The following SERPINA11 variants were observed in gnomAD, a reference collection of about 807,000 sequenced individuals.
SERPINA11 encodes serpin A11.
Under a neutral mutation model 29.4 loss-of-function variants are expected in SERPINA11, and 28 were observed. The ratio of observed to expected loss-of-function variants is 0.95; its 90% CI spans 0.70 to 1.30. SERPINA11 has a LOEUF of 1.30. Ranked by LOEUF, SERPINA11 falls within the 50% of genes most tolerant of loss-of-function variation. The pLI is 0.00. For missense variants in SERPINA11, 530 were observed against 507.3 expected (o/e 1.04, Z -0.43); for synonymous variants, 253 against 206.6 (o/e 1.22, Z -1.92).
rs1566784791 is a variant in SERPINA11, at chr14:94,449,485, CTGTCTG to C, written c.-3-714_-3-709del. Among the ~76,000 whole-genome samples the C allele has an allele frequency of 1.1e-3, 83 of 77,272 alleles. 6 individuals carry two copies. The highest frequency in any genetic ancestry group is 7.3e-3 in the African/African-American group (67 of 9,172). The allele number at this position is 77,272 out of a possible 152,430, so 50.7% of individuals were successfully genotyped here. A position where few individuals can be genotyped will look rare whatever the true frequency, so the allele number is the denominator to read the frequency against. On this transcript the variant is annotated intron_variant, in intron 1 of 4. Coordinates refer to ENST00000334708, the MANE Select transcript of SERPINA11 (RefSeq NM_001080451.2). ...TCTTTCTTTCTTTCTTTCTTTCTGT[CTGTCTG>C]TCTTTCTTTCTCTTTCTTTTTCTTT... is the stretch of plus-strand genomic sequence containing the variant.
intron 3 of SERPINA11, among the ~76,000 whole-genome samples, chr14:94,443,916 CTCTGGGGTTAT>C (rs1898387884): frequency 6.6e-6 from 1 of 152,236 alleles, no homozygotes. Context: ...TGCCCTTTCT[CTCTGGGGTTAT>C]TCTTCTTTAT....
chr14:94,444,797 T>C (rs1898406726), intron 3 of SERPINA11, among the ~76,000 whole-genome samples: 1 of 152,132 alleles, frequency 6.6e-6, no homozygotes, highest in South Asian at 2.1e-4. Context: ...CCTCCCAGGT[T>C]GTGGTGGATT....
chr14:94,448,210 A>G lies in SERPINA11; in HGVS notation c.565T>C (p.Tyr189His). Residue 189 changes from tyrosine (Y) to histidine (H), a missense_variant, in exon 2 of 5, where the codon TAC becomes CAC. Physicochemically the swap from Tyr to His is moderately conservative, Grantham distance 83. Coordinates refer to ENST00000334708, the MANE Select transcript of SERPINA11 (RefSeq NM_001080451.2). ...QINDYLRRQT[Y>H]GQVVDCLPEF... ...GGGAGGCAGTCCACGACTTGCCCGT[A>G]TGTTTGCCTTCTCAAATAGTCATTA... 6 of 1,614,252 alleles carry G rather than the reference A, an allele frequency of 3.7e-6. No individual in the cohort carries two copies. Among genetic ancestry groups the G allele is most frequent in the Non-Finnish European group, 5.1e-6 (6 of 1,180,050 alleles).
intron 1 of SERPINA11, among the ~76,000 whole-genome samples, chr14:94,450,529 C>T (rs746707993): frequency 2.6e-5 from 4 of 152,230 alleles, no homozygotes; most frequent in Non-Finnish European, 4.4e-5. Context: ...GCAGATTCTC[C>T]TTCACAGCCT....
At position 94,448,416 on chromosome 14, in the gene SERPINA11, C is replaced by T. The variant is rs774059044; in HGVS notation, c.359G>A (p.Arg120Gln). The T allele has an allele frequency of 1.5e-5, 25 of 1,613,992 alleles. No individual in the cohort carries two copies. Among genetic ancestry groups the T allele is most frequent in the South Asian group, 5.5e-5 (5 of 91,070 alleles). ...TPEADIHQGF[R>Q]SLLHTLALPS... Reference sequence around the variant, plus strand: ...CAGGGCAAGGGTGTGGAGGAGGCTCCGGAAGCCCTGGTGGATGTCGGCTTC... The same window carrying T: ...CAGGGCAAGGGTGTGGAGGAGGCTCTGGAAGCCCTGGTGGATGTCGGCTTC... The change falls in exon 2 of 5, where the codon CGG becomes CAG. Residue 120 changes from arginine (R) to glutamine (Q), a missense_variant. Transcript: ENST00000334708.
At chr14:94,449,445 CTTTCT>C (rs1898531762) in intron 1 of SERPINA11, among the ~76,000 whole-genome samples, 1 of 109,978 alleles carries the variant, frequency 9.1e-6, no homozygotes, top group Non-Finnish European at 1.7e-5. Context: ...TTCTTTCTTT[CTTTCT>C]TTCTTTCTTT....
Position 94,446,391 on chromosome 14 carries a change from T to A in SERPINA11, c.857A>T (p.Gln286Leu). The change falls in exon 3 of 5, where the codon CAG becomes CTG. Residue 286 changes from glutamine to leucine, a missense_variant. Physicochemically the swap from Gln to Leu is moderately radical, Grantham distance 113 (BLOSUM62 -2). Coordinates refer to ENST00000334708, the MANE Select transcript of SERPINA11 (RefSeq NM_001080451.2). ...CTGTGGCTGCAGAGCAGCCTCCACC[T>A]GCTTCATTTTCCCCGGGTCAGGGAG... ...LVLPDPGKMK[Q>L]VEAALQPQTL... The A allele has an allele frequency of 6.2e-7, 1 of 1,614,162 alleles. No individual in the cohort carries two copies. The highest frequency in any genetic ancestry group is 2.2e-5 in the East Asian group (1 of 44,886).
At chr14:94,450,733 G>A (rs1342768841) in intron 1 of SERPINA11, among the ~76,000 whole-genome samples, 1 of 152,108 alleles carries the variant, frequency 6.6e-6, no homozygotes, top group Admixed American at 6.5e-5. Flanking sequence ...CCACTTCCAG[G>A]GATCAAAGTG....
intron 2 of SERPINA11, among the ~76,000 whole-genome samples, chr14:94,447,013 G>C (rs530721801): frequency 6.6e-6 from 1 of 152,214 alleles, no homozygotes; most frequent in Non-Finnish European, 1.5e-5. Context: ...TGGGATGACT[G>C]ACTGAGCAGC....
intron 2 of SERPINA11, among the ~76,000 whole-genome samples, chr14:94,447,592 C>T (rs542957740): frequency 3.0e-4 from 46 of 152,296 alleles, no homozygotes; most frequent in African/African-American, 1.0e-3. Flanking sequence ...TTCTAAGGTT[C>T]CCTGAATAAA....
intron 1 of SERPINA11, among the ~76,000 whole-genome samples, chr14:94,449,392 C>CTTT (rs869214312): frequency 0.13 from 4,883 of 37,018 alleles, 865 homozygotes; most frequent in African/African-American, 0.28. Context: ...CTCCCTCCCT[C>CTTT]TTTCTTTCTT....
At chr14:94,449,688 C>T (rs574313219) in intron 1 of SERPINA11, among the ~76,000 whole-genome samples, 1 of 151,596 alleles carries the variant, frequency 6.6e-6, no homozygotes, top group African/African-American at 2.4e-5. Context: ...GTAGCTAGGT[C>T]CTCAGTATTT....
At position 94,442,521 on chromosome 14, in the gene SERPINA11, C is replaced by T; in HGVS notation, c.*85G>A. 1 of 959,724 alleles carries T rather than the reference C, an allele frequency of 1.0e-6. No individual in the cohort carries two copies. The highest frequency in any genetic ancestry group is 1.6e-6 in the Non-Finnish European group (1 of 638,428). The allele number at this position is 959,724 out of a possible 1,614,324, so 59.5% of individuals were successfully genotyped here. ...CTTGGCACACTGATTAACTGAACCA[C>T]ATAGCAGCCCCAGGATGCAGGCTGG... On this transcript the variant is annotated 3_prime_UTR_variant, in exon 5 of 5. Coordinates refer to ENST00000334708, the MANE Select transcript of SERPINA11 (RefSeq NM_001080451.2).
intron 3 of SERPINA11, among the ~76,000 whole-genome samples, chr14:94,445,588 A>C (rs1200094118): frequency 6.6e-6 from 1 of 152,202 alleles, no homozygotes; most frequent in African/African-American, 2.4e-5. Flanking sequence ...TTTTTATTAG[A>C]GATAGGATCT....
rs779245326 is a variant in SERPINA11, at chr14:94,442,814, A to C, written c.1066-5T>G. The C allele has an allele frequency of 6.3e-7, 1 of 1,593,406 alleles. No homozygotes were observed. Among genetic ancestry groups the C allele is most frequent in the South Asian group, 1.1e-5 (1 of 87,764 alleles). On this transcript the variant is annotated splice_region_variant and splice_polypyrimidine_tract_variant and intron_variant, in intron 4 of 4. Transcript: ENST00000334708. ...CACCATCGCCTTGTGTGACACCTAG[A>C]GGACAAGAGGAGATGAAGACAGCAT...
At chr14:94,452,288 G>A (rs1898600813) in intron 1 of SERPINA11, among the ~76,000 whole-genome samples, 1 of 152,176 alleles carries the variant, frequency 6.6e-6, no homozygotes, top group Admixed American at 6.5e-5. Flanking sequence ...CTGATGCAGG[G>A]TTAGGACAAG....
At chr14:94,448,825 A>C in intron 1 of SERPINA11, 48 bp from the exon 2 acceptor site, 14 of 1,477,598 alleles carry the variant, frequency 9.5e-6, no homozygotes, top group Non-Finnish European at 1.1e-5. Context: ...AAATAATGTC[A>C]TGATTCTCTA....
At chr14:94,449,611 T>C (rs56026704) in intron 1 of SERPINA11, among the ~76,000 whole-genome samples, 2 of 149,812 alleles carry the variant, frequency 1.3e-5, no homozygotes. Context: ...TCCTTCCCTT[T>C]TCTTTCTTCT....
intron 1 of SERPINA11, among the ~76,000 whole-genome samples, chr14:94,449,208 G>A (rs1349994538): frequency 1.3e-5 from 2 of 151,948 alleles, no homozygotes; most frequent in African/African-American, 2.4e-5. Flanking sequence ...AAAATTAGCT[G>A]GGTGTGGTGG....
Sources: allele counts gnomAD v4.1 joint callset (sites outside exome capture counted in the v4.1 genomes callset), GRCh38; gene constraint gnomAD v4.1.1; transcripts MANE v1.5; gene names NCBI Gene and HGNC (gene_info 2026-07-23, HGNC 2026-07-21).